The following ADGRB3 variants were observed in gnomAD, a reference collection of about 807,000 sequenced individuals.
The protein encoded by ADGRB3 is adhesion G protein-coupled receptor B3.
In ADGRB3, 37 loss-of-function variants were observed where a neutral mutation model predicts 193.4. The observed-to-expected ratio is 0.19, with a 90% CI of 0.15 to 0.25. The LOEUF is 0.25. Among genes scored for constraint, ADGRB3 ranks in the 10% least tolerant of loss-of-function variants. The pLI is 1.00. For missense variants in ADGRB3, 1,637 were observed against 1,852.9 expected, an observed-to-expected ratio of 0.88 and a Z score of 2.14; for synonymous variants, 690 against 644.2, an observed-to-expected ratio of 1.07 and a Z score of -1.08.
At chr6:69,195,352 G>T (rs1306042496) in intron 17 of ADGRB3, among the ~76,000 whole-genome samples, 1 of 151,560 alleles carries the variant, frequency 6.6e-6, no homozygotes, top group Non-Finnish European at 1.5e-5. Flanking sequence ...CAACATAGTG[G>T]ACCCTATTTC....
intron 17 of ADGRB3, among the ~76,000 whole-genome samples, chr6:69,087,905 G>A (rs571895363): frequency 6.6e-6 from 1 of 152,236 alleles, no homozygotes; most frequent in Non-Finnish European, 1.5e-5. Context: ...TGTATTTCCC[G>A]TGTTAATAGA....
chr6:68,649,131 G>A (rs1440125729), intron 3 of ADGRB3, among the ~76,000 whole-genome samples: 1 of 152,086 alleles, frequency 6.6e-6, no homozygotes, highest in Non-Finnish European at 1.5e-5. Context: ...CAAATGAAAA[G>A]CTAAAGAATT....
intron 3 of ADGRB3, among the ~76,000 whole-genome samples, chr6:68,851,963 C>T (rs1235491405): frequency 6.6e-6 from 1 of 151,692 alleles, no homozygotes; most frequent in East Asian, 1.9e-4. Flanking sequence ...GTGCAATGAG[C>T]CAAGTTTTAT....
chr6:69,155,749 A>C (rs3799046), intron 17 of ADGRB3, among the ~76,000 whole-genome samples: 92,836 of 152,046 alleles, frequency 0.61, 29,417 homozygotes, highest in East Asian at 0.9. Flanking sequence ...ATTTCCAAAA[A>C]ATACACAAAA....
At chr6:69,227,277 A>C (rs1766039539) in intron 17 of ADGRB3, among the ~76,000 whole-genome samples, 1 of 152,204 alleles carries the variant, frequency 6.6e-6, no homozygotes, top group South Asian at 2.1e-4. Flanking sequence ...TAGGAGATGA[A>C]TGTGGGAAGC....
At chr6:68,684,453 T>A (rs1475077642) in intron 3 of ADGRB3, among the ~76,000 whole-genome samples, 1 of 152,210 alleles carries the variant, frequency 6.6e-6, no homozygotes, top group African/African-American at 2.4e-5. Context: ...TTACAAAAGA[T>A]GTATTTTTTA....
At chr6:68,994,095 G>A in intron 11 of ADGRB3, 133 bp downstream of exon 11, 1 of 856,202 alleles carries the variant, frequency 1.2e-6, no homozygotes, top group Non-Finnish European at 1.8e-6. Context: ...CTTAGTGTGA[G>A]CTCTGGAAAT....
At position 69,307,184 on chromosome 6, in the gene ADGRB3, G is replaced by T. The variant is rs758141797; in HGVS notation, c.2815-17688G>T. 1.1e-4 allele frequency among the ~76,000 whole-genome samples: 16 copies of T among 150,790 alleles called. 1 individual carries two copies. The highest frequency in any genetic ancestry group is 8.6e-4 in the Admixed American group (13 of 15,124). ...GCATTCTCAGTAACTGCTCCTTTTCGTTGACTGTTTTATTTGACTCTAAAA... is the reference window on the plus strand; with the variant it reads ...GCATTCTCAGTAACTGCTCCTTTTCTTTGACTGTTTTATTTGACTCTAAAA... On this transcript the variant is annotated intron_variant, in intron 20 of 31. Transcript: ENST00000370598.
At chr6:69,154,127 A>G (rs1314800976) in intron 17 of ADGRB3, among the ~76,000 whole-genome samples, 1 of 147,618 alleles carries the variant, frequency 6.8e-6, no homozygotes, top group Non-Finnish European at 1.5e-5. Context: ...TTTATAGTCA[A>G]TTTCTATATA....
intron 3 of ADGRB3, among the ~76,000 whole-genome samples, chr6:68,855,842 A>T (rs770590045): frequency 2.0e-5 from 3 of 152,106 alleles, no homozygotes; most frequent in Non-Finnish European, 4.4e-5. Context: ...AACAATAGTG[A>T]GACCCCCATC....
intron 26 of ADGRB3, among the ~76,000 whole-genome samples, chr6:69,353,640 T>G (rs968525747): frequency 1.3e-5 from 2 of 152,190 alleles, no homozygotes; most frequent in African/African-American, 4.8e-5. Flanking sequence ...TGGCAAGAAT[T>G]ATTAGTGTTG....
intron 17 of ADGRB3, among the ~76,000 whole-genome samples, chr6:69,150,909 G>C (rs1236830931): frequency 6.6e-6 from 1 of 152,196 alleles, no homozygotes; most frequent in Non-Finnish European, 1.5e-5. Flanking sequence ...CTGGGAGCTA[G>C]GGCCAGGAAT....
chr6:69,223,319 T>A (rs1765939120), intron 17 of ADGRB3, among the ~76,000 whole-genome samples: 1 of 152,178 alleles, frequency 6.6e-6, no homozygotes, highest in African/African-American at 2.4e-5. Flanking sequence ...AAATCACATA[T>A]TCCTGGCCCC....
At chr6:68,896,921 G>A (rs1310702244) in intron 3 of ADGRB3, among the ~76,000 whole-genome samples, 1 of 151,984 alleles carries the variant, frequency 6.6e-6, no homozygotes, top group Admixed American at 6.6e-5. Flanking sequence ...AATTCCCATA[G>A]TATTTGAAAA....
At chr6:69,326,214 A>T (rs1218568565) in intron 21 of ADGRB3, among the ~76,000 whole-genome samples, 2 of 152,160 alleles carry the variant, frequency 1.3e-5, no homozygotes, top group Non-Finnish European at 2.9e-5. Context: ...CGACACTCCA[A>T]CTTGTGTCAC....
intron 3 of ADGRB3, among the ~76,000 whole-genome samples, chr6:68,689,025 A>C (rs754742337): frequency 6.6e-6 from 1 of 152,064 alleles, no homozygotes; most frequent in African/African-American, 2.4e-5. Flanking sequence ...TACCTGAGGA[A>C]ACCCTTAGAG....
chr6:68,826,349 T>C (rs558086979), intron 3 of ADGRB3, among the ~76,000 whole-genome samples: 20 of 152,046 alleles, frequency 1.3e-4, no homozygotes, highest in African/African-American at 4.8e-4. Context: ...AGGTGACCAG[T>C]GAAGTTGTGT....
intron 3 of ADGRB3, among the ~76,000 whole-genome samples, chr6:68,703,293 A>G (rs1765272830): frequency 6.6e-6 from 1 of 152,142 alleles, no homozygotes; most frequent in African/African-American, 2.4e-5. Context: ...GCTTCCCTTA[A>G]TTTGGTAAAA....
chr6:69,272,910 TTTTG>T (rs1260350954), intron 20 of ADGRB3, among the ~76,000 whole-genome samples: 1 of 152,190 alleles, frequency 6.6e-6, no homozygotes, highest in African/African-American at 2.4e-5. Context: ...TTTTGTTTTG[TTTTG>T]TTTGAGATGG....
Sources: allele counts gnomAD v4.1 joint callset (sites outside exome capture counted in the v4.1 genomes callset), GRCh38; gene constraint gnomAD v4.1.1; transcripts MANE v1.5; gene names NCBI Gene and HGNC (gene_info 2026-07-23, HGNC 2026-07-21).